Variants in CADPS observed in about 807,000 individuals in gnomAD.
CADPS encodes calcium-dependent secretion activator 1.
Under a neutral mutation model 167.3 loss-of-function variants are expected in CADPS, and 57 were observed. That is an observed-to-expected ratio of 0.34 (90% CI 0.28 to 0.42). The LOEUF (loss-of-function observed/expected upper bound fraction) is 0.42. Among genes scored for constraint, CADPS ranks in the 20% least tolerant of loss-of-function variants. CADPS has a pLI of 1.00. For synonymous variants in CADPS, 676 were observed against 635.3 expected, an observed-to-expected ratio of 1.06 and a Z score of -0.96; for missense variants, 1,414 against 1,738.1, an observed-to-expected ratio of 0.81 and a Z score of 3.32.
At chr3:62,484,480 A>G (rs909934197) in intron 21 of CADPS, among the ~76,000 whole-genome samples, 2 of 152,216 alleles carry the variant, frequency 1.3e-5, no homozygotes, top group African/African-American at 4.8e-5. Flanking sequence ...TGAGAGAATC[A>G]TAATTGGATA....
intron 19 of CADPS, among the ~76,000 whole-genome samples, chr3:62,492,813 T>G (rs1349888721): frequency 6.6e-6 from 1 of 152,208 alleles, no homozygotes; most frequent in Non-Finnish European, 1.5e-5. Flanking sequence ...TCTGGGAGTT[T>G]CTTCACTGTG....
intron 28 of CADPS, among the ~76,000 whole-genome samples, chr3:62,423,409 C>T (rs924013356): frequency 6.6e-6 from 1 of 152,198 alleles, no homozygotes; most frequent in African/African-American, 2.4e-5. Flanking sequence ...GTCTTATATC[C>T]TGCGGTGATC....
intron 1 of CADPS, among the ~76,000 whole-genome samples, chr3:62,840,903 T>C (rs2076562024): frequency 6.6e-6 from 1 of 152,178 alleles, no homozygotes; most frequent in Admixed American, 6.5e-5. Flanking sequence ...TGCTAATCTC[T>C]TGTGATATAC....
At chr3:62,704,176 T>C (rs904266676) in intron 3 of CADPS, among the ~76,000 whole-genome samples, 2 of 152,072 alleles carry the variant, frequency 1.3e-5, no homozygotes, top group African/African-American at 2.4e-5. Context: ...AAGAAGAAAA[T>C]TTCAGATAAT....
intron 3 of CADPS, among the ~76,000 whole-genome samples, chr3:62,709,830 T>C (rs2083041426): frequency 6.6e-6 from 1 of 151,980 alleles, no homozygotes; most frequent in African/African-American, 2.4e-5. Context: ...AGTGCAGTGG[T>C]GTAATCTCGG....
intron 28 of CADPS, among the ~76,000 whole-genome samples, chr3:62,409,129 AT>A (rs1481257895): frequency 1.3e-5 from 2 of 152,264 alleles, no homozygotes; most frequent in African/African-American, 2.4e-5. Context: ...TGCTTTGTAG[AT>A]GAGAGAAAAG....
intron 6 of CADPS, among the ~76,000 whole-genome samples, chr3:62,645,092 A>G (rs750828106): frequency 1.3e-5 from 2 of 152,192 alleles, no homozygotes; most frequent in Non-Finnish European, 2.9e-5. Context: ...ATACAGGAAA[A>G]AATTAGACAA....
Position 62,650,827 on chromosome 3 carries a change from A to G in CADPS, c.1203+20T>C, listed in dbSNP as rs2069919627. On this transcript the variant is annotated intron_variant, in intron 5 of 29. Coordinates refer to ENST00000383710, the MANE Select transcript of CADPS (RefSeq NM_003716.4). ...CTACTTGCTGTGCCAAGAAACTTTC[A>G]AGGGCTCAGGGCTTTTTACCTCCAA... 1 of 1,597,692 alleles carries G rather than the reference A, an allele frequency of 6.3e-7. No individual in the cohort carries two copies. Among genetic ancestry groups the G allele is most frequent in the South Asian group, 1.1e-5 (1 of 90,488 alleles).
chr3:62,677,593 TA>T (rs2076527784), intron 3 of CADPS, among the ~76,000 whole-genome samples: 4 of 152,212 alleles, frequency 2.6e-5, no homozygotes, highest in South Asian at 2.1e-4. Context: ...AACAAGGAAT[TA>T]TCCAGCTTAA....
chr3:62,585,092 AG>A, intron 8 of CADPS, 92 bp downstream of exon 8: 1 of 1,173,820 alleles, frequency 8.5e-7, no homozygotes, highest in Non-Finnish European at 1.2e-6. Context: ...CCTTCTACAT[AG>A]TTCTCTGAAG....
chr3:62,533,261 C>G (rs1350135684), intron 12 of CADPS, among the ~76,000 whole-genome samples: 1 of 152,022 alleles, frequency 6.6e-6, no homozygotes, highest in African/African-American at 2.4e-5. Flanking sequence ...TTCTGTTATC[C>G]CTGTTATAAA....
chr3:62,638,849 G>A (rs542625100), intron 6 of CADPS, among the ~76,000 whole-genome samples: 2 of 152,250 alleles, frequency 1.3e-5, no homozygotes, highest in South Asian at 4.1e-4. Flanking sequence ...TGAGGTAGAA[G>A]GGACCTTGGA....
rs553907498 is a variant in CADPS at position 62,779,859 on chromosome 3, T to C, written c.442-13875A>G. 6 of 227,928 alleles carry C rather than the reference T, an allele frequency of 2.6e-5. 1 individual carries two copies. In the South Asian group the frequency reaches 3.8e-4, roughly 15 times the overall value. The allele number at this position is 227,928 out of a possible 1,614,324, so 14.1% of individuals were successfully genotyped here. Reference sequence around the variant, plus strand: ...TTTAGAAGACTAAACTGGGAGACAGTAGATGGTACAGTGAAGCAGATTTAG... The same window carrying C: ...TTTAGAAGACTAAACTGGGAGACAGCAGATGGTACAGTGAAGCAGATTTAG... On this transcript the variant is annotated intron_variant, in intron 1 of 29. Transcript: ENST00000383710.
intron 9 of CADPS, among the ~76,000 whole-genome samples, chr3:62,562,175 G>A (rs917650169): frequency 1.3e-5 from 2 of 152,164 alleles, no homozygotes; most frequent in African/African-American, 4.8e-5. Context: ...GACGGATTGA[G>A]CCAAAATCTG....
rs2058999059 is a variant in CADPS, at chr3:62,458,792, A to C, written c.3636+6575T>G. On this transcript the variant is annotated intron_variant, in intron 26 of 29. Transcript: ENST00000383710. The surrounding 1 kb of genome is among the most constrained non-coding windows in gnomAD (Gnocchi z 4.6). Reference sequence around the variant, plus strand: ...CATATTCTTTAGGTATTTCTTTTGTAGCTAGCATTTCTGTGACCTGGTCAC... The same window carrying C: ...CATATTCTTTAGGTATTTCTTTTGTCGCTAGCATTTCTGTGACCTGGTCAC... Among the ~76,000 whole-genome samples the C allele has an allele frequency of 6.6e-6, 1 of 152,182 alleles. No homozygotes were observed. The highest frequency in any genetic ancestry group is 1.5e-5 in the Non-Finnish European group (1 of 68,022).
At chr3:62,442,281 G>A (rs1576112714) in intron 27 of CADPS, among the ~76,000 whole-genome samples, 1 of 149,398 alleles carries the variant, frequency 6.7e-6, no homozygotes, top group Non-Finnish European at 1.5e-5. Flanking sequence ...GCACAATCTC[G>A]GCTCACTGCA....
chr3:62,850,488 G>A lies in CADPS; in HGVS notation c.441+24101C>T, dbSNP rs1432195517. Among the ~76,000 whole-genome samples, 8 of 122,912 alleles carry A rather than the reference G, an allele frequency of 6.5e-5. No homozygotes were observed. In the South Asian group the frequency reaches 1.7e-3, roughly 26 times the overall value. 80.6% of individuals were successfully genotyped at this position (122,912 alleles called of 152,430 possible). A position where few individuals can be genotyped will look rare whatever the true frequency, so the allele number is the denominator to read the frequency against. On this transcript the variant is annotated intron_variant, in intron 1 of 29. Coordinates refer to ENST00000383710, the MANE Select transcript of CADPS (RefSeq NM_003716.4). ...GGTATGTTGTGTCTTTGTTCTCGTT[G>A]GTTTCAAAGAACATCTTTATTTCTG... is the stretch of plus-strand genomic sequence containing the variant.
At chr3:62,643,984 G>A (rs1382237868) in intron 6 of CADPS, among the ~76,000 whole-genome samples, 2 of 152,196 alleles carry the variant, frequency 1.3e-5, no homozygotes, top group Admixed American at 6.5e-5. Flanking sequence ...GAAGGGTGAC[G>A]TGTGACAAGG....
chr3:62,680,166 T>C (rs1352717148), intron 3 of CADPS, among the ~76,000 whole-genome samples: 1 of 151,978 alleles, frequency 6.6e-6, no homozygotes, highest in African/African-American at 2.4e-5. Context: ...CTGCAGAAAT[T>C]GTCCAGGTGA....
Sources: allele counts gnomAD v4.1 joint callset (sites outside exome capture counted in the v4.1 genomes callset), GRCh38; gene constraint gnomAD v4.1.1; non-coding constraint Gnocchi (gnomAD v3.1); transcripts MANE v1.5; gene names NCBI Gene and HGNC (gene_info 2026-07-23, HGNC 2026-07-21).